GLT8D2: variants seen among roughly 807,000 people sequenced by gnomAD.
The protein encoded by GLT8D2 is glycosyltransferase 8 domain-containing protein 2.
GLT8D2 carries 45 observed loss-of-function variants against 44.5 expected under a neutral mutation model. The ratio of observed to expected loss-of-function variants is 1.01; its 90% CI spans 0.80 to 1.30. The LOEUF (loss-of-function observed/expected upper bound fraction) is 1.30. GLT8D2 is among the 50% of genes most tolerant of loss of function. GLT8D2 has a pLI of 0.00. For synonymous variants in GLT8D2, 156 were observed against 157.2 expected (o/e 0.99, Z 0.06); for missense variants, 400 against 430.4 (o/e 0.93, Z 0.62).
intron 1 of GLT8D2, among the ~76,000 whole-genome samples, chr12:104,059,541 T>C (rs1221045391): frequency 6.6e-6 from 1 of 152,114 alleles, no homozygotes; most frequent in Non-Finnish European, 1.5e-5. Context: ...TTACAACCCA[T>C]AGGTCAATAT....
intron 1 of GLT8D2, among the ~76,000 whole-genome samples, chr12:104,061,959 A>G (rs1292666593): frequency 6.8e-6 from 1 of 146,640 alleles, no homozygotes; most frequent in African/African-American, 2.5e-5. Context: ...CCTGGGCAAC[A>G]AGAGCAAAAC....
At chr12:104,048,167 A>G (rs1382451273) in intron 1 of GLT8D2, among the ~76,000 whole-genome samples, 1 of 152,240 alleles carries the variant, frequency 6.6e-6, no homozygotes, top group Non-Finnish European at 1.5e-5. Context: ...GATGAGCTCC[A>G]GGGAAGGTGG....
At chr12:104,032,508 A>G (rs1374206767) in intron 1 of GLT8D2, among the ~76,000 whole-genome samples, 1 of 151,026 alleles carries the variant, frequency 6.6e-6, no homozygotes, top group Non-Finnish European at 1.5e-5. Context: ...AAGGACCAGA[A>G]TAGACATTTC....
At chr12:103,998,500 C>T (rs1048991389) in intron 6 of GLT8D2, among the ~76,000 whole-genome samples, 6 of 152,142 alleles carry the variant, frequency 3.9e-5, no homozygotes, top group African/African-American at 1.4e-4. Flanking sequence ...ACCTCCACCT[C>T]CCGGGTTCAA....
At chr12:104,052,695 T>C (rs1304578755), upstream of GLT8D2, among the ~76,000 whole-genome samples, 1 of 152,188 alleles carries the variant, frequency 6.6e-6, no homozygotes, top group Admixed American at 6.5e-5. Context: ...TCCTTTCTCC[T>C]GGAGAGGCTT....
chr12:103,996,292 A>C (rs1873412087), intron 8 of GLT8D2, among the ~76,000 whole-genome samples: 1 of 152,220 alleles, frequency 6.6e-6, no homozygotes, highest in Non-Finnish European at 1.5e-5. Flanking sequence ...GATAAAAGTG[A>C]TGGTCAAAAC....
chr12:103,991,055 G>A lies in GLT8D2; in HGVS notation c.881-1478C>T, dbSNP rs565722478. 3.7e-4 allele frequency among the ~76,000 whole-genome samples: 56 copies of A among 152,266 alleles called. 2 individuals are homozygous for A. In the South Asian group the frequency reaches 0.012, roughly 32 times the overall value. ...ACCTCATTTTTCAAATGATTTTTGT[G>A]TAGATTTACTTTGCACACCATCCCT... On this transcript the variant is annotated intron_variant, in intron 10 of 10. Coordinates refer to ENST00000360814, the MANE Select transcript of GLT8D2 (RefSeq NM_001384711.1).
intron 9 of GLT8D2, 91 bp from the exon 10 acceptor site, chr12:103,993,595 T>A: frequency 1.3e-6 from 1 of 795,176 alleles, no homozygotes; most frequent in Non-Finnish European, 2.0e-6. Context: ...ATGTAAGACA[T>A]TATCTCACTA....
intron 1 of GLT8D2, among the ~76,000 whole-genome samples, chr12:104,021,941 A>G (rs28615469): frequency 0.078 from 1,686 of 21,634 alleles, 143 homozygotes; most frequent in East Asian, 0.29. Flanking sequence ...AAGAAGAAGA[A>G]GAAGAAGAAG....
chr12:104,049,215 G>A (rs1881477175), intron 1 of GLT8D2, among the ~76,000 whole-genome samples: 1 of 150,370 alleles, frequency 6.7e-6, no homozygotes, highest in African/African-American at 2.4e-5. Flanking sequence ...CAGACATTCA[G>A]ATATCATCAT....
At chr12:104,005,808 T>C (rs1470325630) in intron 4 of GLT8D2, among the ~76,000 whole-genome samples, 2 of 152,202 alleles carry the variant, frequency 1.3e-5, no homozygotes, top group Non-Finnish European at 2.9e-5. Context: ...GTTCAACCAT[T>C]GTGGAAGACA....
intron 1 of GLT8D2, among the ~76,000 whole-genome samples, chr12:104,026,003 G>A (rs865783453): frequency 6.6e-6 from 1 of 152,150 alleles, no homozygotes; most frequent in Non-Finnish European, 1.5e-5. Flanking sequence ...ATGTGGCCAG[G>A]TATGGTGGCT....
intron 1 of GLT8D2, among the ~76,000 whole-genome samples, chr12:104,044,416 ACAAGTGC>A (rs1880874220): frequency 6.6e-6 from 1 of 152,234 alleles, no homozygotes; most frequent in Admixed American, 6.5e-5. Context: ...CAGCATCTAG[ACAAGTGC>A]CTGGCAATAT....
chr12:104,010,160 G>T (rs1566196323), intron 4 of GLT8D2, among the ~76,000 whole-genome samples: 2 of 152,184 alleles, frequency 1.3e-5, no homozygotes, highest in Non-Finnish European at 2.9e-5. Context: ...GCTGCTGAAA[G>T]TTCCTCATTG....
upstream of GLT8D2, among the ~76,000 whole-genome samples, chr12:104,052,089 T>C (rs955246142): frequency 6.6e-5 from 10 of 152,200 alleles, no homozygotes; most frequent in Admixed American, 4.6e-4. Context: ...AGTAATTGAA[T>C]AGAGTATCAG....
intron 1 of GLT8D2, among the ~76,000 whole-genome samples, chr12:104,048,034 C>T (rs1363288685): frequency 6.6e-6 from 1 of 152,134 alleles, no homozygotes; most frequent in African/African-American, 2.4e-5. Flanking sequence ...TTATCAGGCC[C>T]GTTGCAGAAA....
chr12:104,000,163 T>A (rs1874008051), intron 5 of GLT8D2, among the ~76,000 whole-genome samples: 1 of 152,182 alleles, frequency 6.6e-6, no homozygotes, highest in Non-Finnish European at 1.5e-5. Flanking sequence ...GGGTAGTATT[T>A]GTTGTTGACT....
chr12:104,055,141 C>T (rs1882073143), upstream of GLT8D2, among the ~76,000 whole-genome samples: 1 of 152,152 alleles, frequency 6.6e-6, no homozygotes, highest in African/African-American at 2.4e-5. Flanking sequence ...GCAAGAGCGG[C>T]CCTCCCACTG....
chr12:103,997,290 G>A (rs533875977), intron 7 of GLT8D2, among the ~76,000 whole-genome samples, 161 bp downstream of exon 7: 8 of 152,260 alleles, frequency 5.3e-5, no homozygotes, highest in Admixed American at 2.6e-4. Context: ...GTATCAACCC[G>A]TTTCCAAAAT....
Sources: allele counts gnomAD v4.1 joint callset (sites outside exome capture counted in the v4.1 genomes callset), GRCh38; gene constraint gnomAD v4.1.1; transcripts MANE v1.5; gene names NCBI Gene and HGNC (gene_info 2026-07-23, HGNC 2026-07-21).